Variants in SOS1 observed in about 807,000 individuals in gnomAD.
SOS1 encodes son of sevenless homolog 1.
In SOS1, 25 loss-of-function variants were observed where a neutral mutation model predicts 157.6. That is an observed-to-expected ratio of 0.16 (90% confidence interval 0.12 to 0.22). SOS1 has a LOEUF of 0.22. SOS1 is among the 10% of genes least tolerant of loss of function. SOS1 has a pLI of 1.00. For synonymous variants in SOS1, 528 were observed against 534.0 expected (o/e 0.99, Z 0.16); for missense variants, 1,237 against 1,599.1 (o/e 0.77, Z 3.86).
rs1461692001 is a variant in SOS1 at position 39,013,527 on chromosome 2, G to A, written c.2100C>T (p.His700=). 23 of 1,611,766 alleles carry A rather than the reference G, an allele frequency of 1.4e-5. No homozygotes were observed. The highest frequency in any genetic ancestry group is 2.0e-5 in the Non-Finnish European group (23 of 1,178,376). The change falls in exon 13 of 23, where the codon CAC becomes CAT. Residue 700 remains histidine (H), a synonymous_variant. Transcript: ENST00000402219. ...LNVCRHWVEH[H]FYDFERDAYL... ...ATGCATCTCTTTCAAAATCATAGAA[G>A]TGGTGCTCTACCCAGTGCCGACATA... is the stretch of plus-strand genomic sequence containing the variant.
At chr2:39,002,916 T>C (rs1489766316) in intron 17 of SOS1, among the ~76,000 whole-genome samples, 1 of 151,966 alleles carries the variant, frequency 6.6e-6, no homozygotes, top group Non-Finnish European at 1.5e-5. Flanking sequence ...AATAAAAAAA[T>C]TAGCCAGGCA....
chr2:39,035,093 A>T, intron 8 of SOS1, 119 bp downstream of exon 8: 1 of 713,420 alleles, frequency 1.4e-6, no homozygotes, highest in Admixed American at 2.4e-5. Flanking sequence ...CTTGACTGGA[A>T]AAAGAAAACA....
intron 2 of SOS1, among the ~76,000 whole-genome samples, chr2:39,059,031 T>G (rs1273566147): frequency 6.6e-6 from 1 of 152,078 alleles, no homozygotes; most frequent in African/African-American, 2.4e-5. Flanking sequence ...AGGGGGAATA[T>G]CACATCCTGA....
chr2:39,116,461 T>C (rs1673654285), intron 1 of SOS1, among the ~76,000 whole-genome samples: 1 of 152,262 alleles, frequency 6.6e-6, no homozygotes, highest in Non-Finnish European at 1.5e-5. Context: ...GACTGGACTA[T>C]TAAACTAGGC....
At chr2:39,098,513 T>C (rs1007960224) in intron 1 of SOS1, 3 of 152,606 alleles carry the variant, frequency 2.0e-5, no homozygotes, top group African/African-American at 7.2e-5. Flanking sequence ...CACAATACTA[T>C]ATCTATAAGA....
At chr2:39,064,971 T>C (rs115393194) in intron 2 of SOS1, among the ~76,000 whole-genome samples, 5,222 of 151,714 alleles carry the variant, frequency 0.034, 120 homozygotes, top group Non-Finnish European at 0.048. Flanking sequence ...TTAACCAGGC[T>C]GTTCTCAAAC....
At chr2:39,056,921 ACT>A (rs1671233401) in intron 3 of SOS1, 55 bp from the exon 4 acceptor site, 2 of 1,220,790 alleles carry the variant, frequency 1.6e-6, no homozygotes, top group South Asian at 1.2e-5. Flanking sequence ...CATTTAACAC[ACT>A]GATTAAAAAT....
intron 1 of SOS1, among the ~76,000 whole-genome samples, chr2:39,087,292 C>G (rs773446121): frequency 2.0e-5 from 3 of 152,118 alleles, no homozygotes. Flanking sequence ...CTTTCCTAGA[C>G]AAAATAAAGT....
At chr2:39,100,204 G>T (rs760967054) in intron 1 of SOS1, among the ~76,000 whole-genome samples, 14 of 152,186 alleles carry the variant, frequency 9.2e-5, no homozygotes, top group Non-Finnish European at 2.1e-4. Context: ...GGAAACCCTT[G>T]TAGACTGTGG....
intron 6 of SOS1, among the ~76,000 whole-genome samples, chr2:39,046,565 C>A (rs112467101): frequency 2.1e-5 from 3 of 142,178 alleles, no homozygotes; most frequent in Admixed American, 1.4e-4. Context: ...AGTGCAGTGG[C>A]GGGATCTCGG....
intron 8 of SOS1, among the ~76,000 whole-genome samples, chr2:39,024,894 A>G (rs1005271334): frequency 3.3e-5 from 5 of 152,016 alleles, no homozygotes; most frequent in South Asian, 2.1e-4. Context: ...TATAATATAC[A>G]TATTTATGAA....
intron 6 of SOS1, among the ~76,000 whole-genome samples, chr2:39,037,031 G>C (rs917301154): frequency 6.6e-6 from 1 of 152,176 alleles, no homozygotes; most frequent in African/African-American, 2.4e-5. Context: ...ATCAGAAGAC[G>C]TGAGTTCTGG....
chr2:39,073,232 G>A (rs1572871967), intron 1 of SOS1, among the ~76,000 whole-genome samples: 1 of 152,318 alleles, frequency 6.6e-6, no homozygotes, highest in East Asian at 1.9e-4. Context: ...ATTCAGAGTT[G>A]CATGTGTGTT....
At position 39,014,756 on chromosome 2, in the gene SOS1, T is replaced by A; in HGVS notation, c.1940+9A>T. 7.1e-7 allele frequency: 1 copy of A among 1,401,562 alleles called. No homozygotes were observed. The highest frequency in any genetic ancestry group is 1.0e-6 in the Non-Finnish European group (1 of 996,276). The allele number at this position is 1,401,562 out of a possible 1,614,324, so 86.8% of individuals were successfully genotyped here. A position where few individuals can be genotyped will look rare whatever the true frequency, so the allele number is the denominator to read the frequency against. ...ATAATGAATTTAAATATTTTTTAAA[T>A]GGACAGACCTTTCTATTATAAGACT... On this transcript the variant is annotated intron_variant, in intron 11 of 22. Transcript: ENST00000402219.
intron 5 of SOS1, among the ~76,000 whole-genome samples, chr2:39,053,283 A>C (rs559279830): frequency 6.6e-6 from 1 of 152,286 alleles, no homozygotes; most frequent in East Asian, 1.9e-4. Flanking sequence ...TGGTATTATA[A>C]GTCATTTACA....
chr2:39,023,281 A>C, intron 9 of SOS1, 56 bp from the exon 10 acceptor site: 39 of 1,342,996 alleles, frequency 2.9e-5, no homozygotes, highest in Non-Finnish European at 3.9e-5. Context: ...CCTAGAGCTC[A>C]TGTAAGTAAG....
intron 1 of SOS1, among the ~76,000 whole-genome samples, chr2:39,107,441 A>G (rs969368736): frequency 6.6e-6 from 1 of 152,088 alleles, no homozygotes. Context: ...ACTACAGTCT[A>G]AGACACTTTC....
intron 1 of SOS1, among the ~76,000 whole-genome samples, chr2:39,080,706 G>T (rs771892209): frequency 7.3e-5 from 11 of 151,516 alleles, no homozygotes; most frequent in Non-Finnish European, 1.2e-4. Flanking sequence ...TATAAACGCG[G>T]TCCTGGTATT....
chr2:39,023,950 C>T, intron 9 of SOS1, 60 bp downstream of exon 9: 1 of 1,272,316 alleles, frequency 7.9e-7, no homozygotes, highest in Non-Finnish European at 1.1e-6. Flanking sequence ...ACTGGGATCC[C>T]TGAATTTACA....
Sources: allele counts gnomAD v4.1 joint callset (sites outside exome capture counted in the v4.1 genomes callset), GRCh38; gene constraint gnomAD v4.1.1; transcripts MANE v1.5; gene names NCBI Gene and HGNC (gene_info 2026-07-23, HGNC 2026-07-21).